The following SLC43A1 variants were observed in gnomAD, a reference collection of about 807,000 sequenced individuals.
The protein encoded by SLC43A1 is solute carrier family 43 member 1.
SLC43A1 carries 31 observed loss-of-function variants against 59.5 expected under a neutral mutation model. The ratio of observed to expected loss-of-function variants is 0.52; its 90% confidence interval spans 0.39 to 0.70. The LOEUF is 0.70. Among genes scored for constraint, SLC43A1 ranks in the 30% least tolerant of loss-of-function variants. SLC43A1 has a pLI of 0.00. For synonymous variants in SLC43A1, 259 were observed against 290.9 expected (o/e 0.89, Z 1.12); for missense variants, 598 against 717.8 (o/e 0.83, Z 1.91).
At chr11:57,513,320 A>T (rs1944600533) in intron 2 of SLC43A1, among the ~76,000 whole-genome samples, 1 of 152,232 alleles carries the variant, frequency 6.6e-6, no homozygotes, top group East Asian at 1.9e-4. Context: ...GAAGATACCC[A>T]TCAGAGGCAA....
intron 2 of SLC43A1, among the ~76,000 whole-genome samples, chr11:57,512,053 A>G (rs182954121): frequency 1.3e-5 from 2 of 152,240 alleles, no homozygotes; most frequent in African/African-American, 4.8e-5. Context: ...GAAATGGGTG[A>G]CTTGTGAGGC....
intron 2 of SLC43A1, among the ~76,000 whole-genome samples, chr11:57,501,742 G>A (rs907087525): frequency 2.0e-5 from 3 of 152,198 alleles, no homozygotes; most frequent in Non-Finnish European, 4.4e-5. Flanking sequence ...GTTCATGCCT[G>A]TAATCCCACC....
At chr11:57,500,080 C>G (rs1046651791) in intron 5 of SLC43A1, among the ~76,000 whole-genome samples, 4 of 152,192 alleles carry the variant, frequency 2.6e-5, no homozygotes, top group African/African-American at 9.7e-5. Flanking sequence ...CTCCAACCTC[C>G]CTAAGCCTTT....
At chr11:57,502,279 G>T (rs1191774425) in intron 2 of SLC43A1, among the ~76,000 whole-genome samples, 1 of 152,252 alleles carries the variant, frequency 6.6e-6, no homozygotes, top group Admixed American at 6.5e-5. Flanking sequence ...ACAGACCAGG[G>T]TCTGAATTCC....
intron 2 of SLC43A1, among the ~76,000 whole-genome samples, chr11:57,507,876 T>G (rs1246972173): frequency 2.0e-5 from 3 of 152,248 alleles, no homozygotes; most frequent in Admixed American, 6.5e-5. Context: ...ATCCGTAGTC[T>G]GAAATTTTAT....
At chr11:57,497,097 T>C (rs937391330) in intron 6 of SLC43A1, among the ~76,000 whole-genome samples, 1 of 152,120 alleles carries the variant, frequency 6.6e-6, no homozygotes, top group African/African-American at 2.4e-5. Context: ...TCAAACTCCT[T>C]TGGAGACACT....
At position 57,487,117 on chromosome 11, in the gene SLC43A1, G is replaced by A; in HGVS notation, c.1511C>T (p.Pro504Leu). 1.9e-6 allele frequency: 3 copies of A among 1,613,968 alleles called. No homozygotes were observed. Among genetic ancestry groups the A allele is most frequent in the Non-Finnish European group, 1.7e-6 (2 of 1,179,980 alleles). Reference sequence around the variant, plus strand: ...CACCCAGAAGGGCTCTCCTTTCAGGGGTCCCACCATCGCCATGAAAAGTGG... The same window carrying A: ...CACCCAGAAGGGCTCTCCTTTCAGGAGTCCCACCATCGCCATGAAAAGTGG... ...QQPLFMAMVG[P>L]LKGEPFWVNL... Residue 504 changes from proline to leucine, a missense_variant, in exon 14 of 15, where the codon CCC becomes CTC. Transcript: ENST00000278426.
Position 57,514,691 on chromosome 11 carries a change from C to G in SLC43A1, c.-13-567G>C. The G allele has an allele frequency of 2.7e-6, 1 of 373,782 alleles. No individual in the cohort carries two copies. Among genetic ancestry groups the G allele is most frequent in the Non-Finnish European group, 3.7e-6 (1 of 270,498 alleles). 23.2% of individuals were successfully genotyped at this position (373,782 alleles called of 1,614,324 possible). ...ATCAGGTGACCCACGACCCTACAGT[C>G]TCTCGGGCCAAGCCAACAGCTGCCA... On this transcript the variant is annotated intron_variant, in intron 1 of 14. Transcript: ENST00000278426. This position sits in a 1 kb window ranked among gnomAD's most constrained non-coding sequence, Gnocchi z 5.5.
At chr11:57,498,856 G>C (rs1254517292) in intron 5 of SLC43A1, among the ~76,000 whole-genome samples, 3 of 152,160 alleles carry the variant, frequency 2.0e-5, no homozygotes, top group Admixed American at 2.0e-4. Flanking sequence ...CCTCAGGGCA[G>C]GGGAAGGCAA....
At chr11:57,507,334 G>A (rs1161009095) in intron 2 of SLC43A1, among the ~76,000 whole-genome samples, 7 of 152,224 alleles carry the variant, frequency 4.6e-5, no homozygotes, top group African/African-American at 1.7e-4. Flanking sequence ...GCCGGGCATG[G>A]TGGCACAGGC....
intron 2 of SLC43A1, among the ~76,000 whole-genome samples, chr11:57,512,054 C>T (rs1944562228): frequency 1.3e-5 from 2 of 152,070 alleles, no homozygotes; most frequent in South Asian, 2.1e-4. Context: ...AAATGGGTGA[C>T]TTGTGAGGCA....
intron 11 of SLC43A1, 92 bp downstream of exon 11, chr11:57,491,132 G>A (rs1943884245): frequency 7.8e-6 from 11 of 1,412,604 alleles, no homozygotes; most frequent in African/African-American, 1.4e-5. Context: ...GTTCTTGGGA[G>A]AAAGCAACAA....
At chr11:57,486,015 G>C (rs1943717721) in intron 14 of SLC43A1, among the ~76,000 whole-genome samples, 1 of 152,254 alleles carries the variant, frequency 6.6e-6, no homozygotes, top group East Asian at 1.9e-4. Flanking sequence ...GCTGCCTCGT[G>C]CAGGAGTGGG....
At chr11:57,491,655 G>T in intron 9 of SLC43A1, 29 bp from the exon 10 acceptor site, 2 of 1,614,148 alleles carry the variant, frequency 1.2e-6, no homozygotes, top group South Asian at 1.1e-5. Flanking sequence ...ATGGTGAGGG[G>T]AGCTCAGCCA....
intron 2 of SLC43A1, among the ~76,000 whole-genome samples, chr11:57,504,300 G>C (rs1034868138): frequency 6.6e-6 from 1 of 152,138 alleles, no homozygotes; most frequent in Non-Finnish European, 1.5e-5. Context: ...GGTCATACAC[G>C]TCCTCACCTC....
rs528730833 is a variant in SLC43A1 at position 57,496,142 on chromosome 11, G to A, written c.581C>T (p.Ala194Val). 1.9e-6 allele frequency: 3 copies of A among 1,614,094 alleles called. No homozygotes were observed. The highest frequency in any genetic ancestry group is 1.3e-5 in the African/African-American group (1 of 75,024). Residue 194 changes from alanine to valine, a missense_variant, in exon 7 of 15, where the codon GCC becomes GTC. Physicochemically the swap from Ala to Val is moderately conservative, Grantham distance 64. Transcript: ENST00000278426. The stretch of plus-strand genomic sequence containing the variant: ...CCAGGTGAACATGATGACCACGAAG[G>A]CCACACCGGCATCGTAGATCAGCTG... ...GIKLIYDAGV[A>V]FVVIMFTWSG...
chr11:57,495,575 G>A (rs1424317899), intron 7 of SLC43A1, among the ~76,000 whole-genome samples: 6 of 152,074 alleles, frequency 3.9e-5, no homozygotes, highest in African/African-American at 1.4e-4. Context: ...GCCTGTAATC[G>A]GACACTTTGG....
At chr11:57,505,796 G>T (rs1944380613) in intron 2 of SLC43A1, among the ~76,000 whole-genome samples, 1 of 152,132 alleles carries the variant, frequency 6.6e-6, no homozygotes, top group Non-Finnish European at 1.5e-5. Flanking sequence ...GAAGCACCTG[G>T]AGTCTGGAAG....
At chr11:57,485,317 C>A in intron 14 of SLC43A1, 75 bp from the exon 15 acceptor site, 1 of 1,438,424 alleles carries the variant, frequency 7.0e-7, no homozygotes, top group Non-Finnish European at 9.3e-7. Flanking sequence ...GAGGAGAAGG[C>A]GGCCATTTTT....
Sources: gnomAD v4.1 joint callset for allele counts (sites outside exome capture counted in the v4.1 genomes callset) on GRCh38, gnomAD v4.1.1 for gene constraint, Gnocchi (gnomAD v3.1) non-coding constraint, MANE v1.5 for transcripts, NCBI Gene and HGNC (gene_info 2026-07-23, HGNC 2026-07-21) for gene names.